CFHR2: variants seen among roughly 807,000 people sequenced by gnomAD.
The protein encoded by CFHR2 is complement factor H related 2.
A neutral mutation model predicts 21.7 loss-of-function variants in CFHR2; 22 were observed. The ratio of observed to expected loss-of-function variants is 1.01; its 90% CI spans 0.72 to 1.45. CFHR2 has a LOEUF of 1.45. Among genes scored for constraint, CFHR2 ranks in the 40% most tolerant of loss-of-function variants. The pLI is 0.00. For synonymous variants in CFHR2, 98 were observed against 97.4 expected (o/e 1.01, Z -0.04); for missense variants, 294 against 293.3 (o/e 1.00, Z -0.02).
At chr1:196,946,487 A>T (rs1326282598) in intron 1 of CFHR2, among the ~76,000 whole-genome samples, 1 of 152,214 alleles carries the variant, frequency 6.6e-6, no homozygotes, top group Non-Finnish European at 1.5e-5. Flanking sequence ...GTAGAGATGT[A>T]CAAAAGATTT....
chr1:196,947,491 T>A (rs764345165), intron 1 of CFHR2, among the ~76,000 whole-genome samples: 2 of 151,874 alleles, frequency 1.3e-5, no homozygotes, highest in Non-Finnish European at 2.9e-5. Flanking sequence ...AAGATGGGAG[T>A]CTTTCCCTCA....
At position 196,949,558 on chromosome 1, in the gene CFHR2, C is replaced by G; in HGVS notation, c.162C>G (p.Ser54=). Residue 54 remains serine (S), a synonymous_variant, in exon 2 of 5, where the codon TCC becomes TCG. Coordinates refer to ENST00000367415, the MANE Select transcript of CFHR2 (RefSeq NM_005666.4). ...CTACAGGGGAAGTTTTCTATTACTC[C>G]TGTGAATATAATTTTGTGTCTCCTT... ...QVPTGEVFYY[S]CEYNFVSPSK... The G allele has an allele frequency of 6.2e-7, 1 of 1,614,004 alleles. No individual in the cohort carries two copies. Among genetic ancestry groups the G allele is most frequent in the Non-Finnish European group, 8.5e-7 (1 of 1,179,962 alleles).
chr1:196,947,511 C>A (rs941779448), intron 1 of CFHR2, among the ~76,000 whole-genome samples: 1 of 152,080 alleles, frequency 6.6e-6, no homozygotes, highest in Non-Finnish European at 1.5e-5. Flanking sequence ...AATACCTTTA[C>A]CAAAACTATC....
At position 196,945,095 on chromosome 1, in the gene CFHR2, C is replaced by T. The variant is rs538404730; in HGVS notation, c.58+1157C>T. On this transcript the variant is annotated intron_variant, in intron 1 of 4. Transcript: ENST00000367415. The stretch of plus-strand genomic sequence containing the variant: ...TTCTCCATGTTGGTCAGGCTGGTCT[C>T]GAACTCCCGACCTCAGGTGATCTGC... 4.8e-5 allele frequency among the ~76,000 whole-genome samples: 7 copies of T among 144,808 alleles called. 1 individual carries two copies. Among genetic ancestry groups the T allele is most frequent in the African/African-American group, 1.8e-4 (7 of 39,476 alleles). The allele number at this position is 144,808 out of a possible 152,430, so 95.0% of individuals were successfully genotyped here.
chr1:196,958,253 T>G (rs951421495), intron 4 of CFHR2, among the ~76,000 whole-genome samples, 180 bp downstream of exon 4: 1 of 152,090 alleles, frequency 6.6e-6, no homozygotes, highest in Non-Finnish European at 1.5e-5. Flanking sequence ...ATTTATATTT[T>G]ATTTAAAAAC....
In CFHR2 at chr1:196,949,443, T is replaced by G; in HGVS notation, c.59-12T>G. 3 of 1,604,542 alleles carry G rather than the reference T, an allele frequency of 1.9e-6. No homozygotes were observed. Among genetic ancestry groups the G allele is most frequent in the Non-Finnish European group, 2.6e-6 (3 of 1,173,140 alleles). On this transcript the variant is annotated splice_polypyrimidine_tract_variant and intron_variant, in intron 1 of 4. Coordinates refer to ENST00000367415, the MANE Select transcript of CFHR2 (RefSeq NM_005666.4). Reference sequence around the variant, plus strand: ...TATTATGTAATTCTTCAGTTTTGTGTTATTTTCCCAGCAATGTTCTGTGAT... The same window carrying G: ...TATTATGTAATTCTTCAGTTTTGTGGTATTTTCCCAGCAATGTTCTGTGAT...
At chr1:196,958,174 T>A in intron 4 of CFHR2, 101 bp downstream of exon 4, 1 of 1,205,532 alleles carries the variant, frequency 8.3e-7, no homozygotes, top group Non-Finnish European at 1.2e-6. Flanking sequence ...CAAACAAGCA[T>A]TCTGCTGAAT....
Position 196,958,014 on chromosome 1 carries a change from A to G in CFHR2, c.554A>G (p.Glu185Gly), listed in dbSNP as rs748066818. The change falls in exon 4 of 5, where the codon GAG (glutamate) becomes GGG (glycine). Residue 185 changes from glutamate to glycine, a missense_variant. Physicochemically the swap from Glu to Gly is moderately conservative, Grantham distance 98. Transcript: ENST00000367415. ...EYQCQNLYQL[E>G]GNNQITCRNG... The stretch of plus-strand genomic sequence containing the variant: ...CAGTGCCAGAACTTGTATCAACTTG[A>G]GGGTAACAATCAAATAACATGTAGA... 7 of 1,613,754 alleles carry G rather than the reference A, an allele frequency of 4.3e-6. No individual in the cohort carries two copies. Among genetic ancestry groups the G allele is most frequent in the Non-Finnish European group, 5.9e-6 (7 of 1,179,744 alleles).
In CFHR2 at chr1:196,959,168, T is replaced by A; in HGVS notation, c.*88T>A. On this transcript the variant is annotated 3_prime_UTR_variant, in exon 5 of 5. Coordinates refer to ENST00000367415, the MANE Select transcript of CFHR2 (RefSeq NM_005666.4). ...TTCAATTTCATTTTTCAAGTACTGT[T>A]TTACTCATTTTTATTCATAAATAAA... 1 of 920,174 alleles carries A rather than the reference T, an allele frequency of 1.1e-6. No homozygotes were observed. The highest frequency in any genetic ancestry group is 1.6e-6 in the Non-Finnish European group (1 of 621,382). 57.0% of individuals were successfully genotyped at this position (920,174 alleles called of 1,614,324 possible).
At chr1:196,958,400 G>A (rs1571498677) in intron 4 of CFHR2, among the ~76,000 whole-genome samples, 1 of 151,730 alleles carries the variant, frequency 6.6e-6, no homozygotes, top group South Asian at 2.1e-4. Context: ...GTAAGTGTGT[G>A]TGTGTGTGTG....
At chr1:196,949,706 GCCAGACA>G in intron 2 of CFHR2, 57 bp downstream of exon 2, 2 of 1,599,264 alleles carry the variant, frequency 1.3e-6, no homozygotes, top group Non-Finnish European at 1.7e-6. Context: ...AGAAGGATAT[GCCAGACA>G]AGATCATAAA....
chr1:196,959,121 T>C lies in CFHR2; in HGVS notation c.*41T>C. ...TATTAGTAAAATGCACACCTTTTTCTGAATTTACTATTATATTTGTTTTCA... is the reference window on the plus strand; with the variant it reads ...TATTAGTAAAATGCACACCTTTTTCCGAATTTACTATTATATTTGTTTTCA... On this transcript the variant is annotated 3_prime_UTR_variant, in exon 5 of 5. Transcript: ENST00000367415. 1 of 1,294,416 alleles carries C rather than the reference T, an allele frequency of 7.7e-7. No individual in the cohort carries two copies. The highest frequency in any genetic ancestry group is 1.1e-6 in the Non-Finnish European group (1 of 916,678). The allele number at this position is 1,294,416 out of a possible 1,614,324, so 80.2% of individuals were successfully genotyped here.
intron 3 of CFHR2, among the ~76,000 whole-genome samples, chr1:196,952,753 G>A (rs1387993381): frequency 6.6e-6 from 1 of 152,178 alleles, no homozygotes; most frequent in African/African-American, 2.4e-5. Context: ...CCTCCAATAA[G>A]TTCTGGTTCC....
intron 2 of CFHR2, among the ~76,000 whole-genome samples, chr1:196,950,344 A>T (rs1387699878): frequency 1.3e-5 from 2 of 152,246 alleles, no homozygotes; most frequent in African/African-American, 2.4e-5. Flanking sequence ...TTCTATATGT[A>T]CATATAAAGG....
intron 1 of CFHR2, among the ~76,000 whole-genome samples, chr1:196,944,794 T>C (rs1659413718): frequency 2.0e-5 from 3 of 151,900 alleles, no homozygotes; most frequent in Admixed American, 2.0e-4. Flanking sequence ...AGTCCTGACA[T>C]AACAGAACAA....
intron 1 of CFHR2, among the ~76,000 whole-genome samples, chr1:196,946,989 C>T (rs1659523239): frequency 1.3e-5 from 2 of 152,116 alleles, no homozygotes; most frequent in African/African-American, 4.8e-5. Context: ...TAATATATTA[C>T]ACTGCTATGT....
At position 196,953,267 on chromosome 1, in the gene CFHR2, T is replaced by TTAC. The variant is rs1652716906; in HGVS notation, c.430+2240_430+2241insACT. Among the ~76,000 whole-genome samples, 3 of 151,924 alleles carry TTAC rather than the reference T, an allele frequency of 2.0e-5. No individual in the cohort carries two copies. In the East Asian group the frequency reaches 5.8e-4, roughly 29 times the overall value. On this transcript the variant is annotated intron_variant, in intron 3 of 4. Coordinates refer to ENST00000367415, the MANE Select transcript of CFHR2 (RefSeq NM_005666.4). Reference sequence around the variant, plus strand: ...GATTATTTATTTATTTATTTATTTATTTATTTACTTACTTATTTACTTATT... The same window carrying TTAC: ...GATTATTTATTTATTTATTTATTTATTACTTATTTACTTACTTATTTACTTATT...
At position 196,959,297 on chromosome 1, in the gene CFHR2, T is replaced by C. The variant is rs529852668; in HGVS notation, c.*217T>C. 10 of 452,830 alleles carry C rather than the reference T, an allele frequency of 2.2e-5. No homozygotes were observed. The South Asian group carries it at 3.3e-4, about 15-fold the overall frequency. The allele number at this position is 452,830 out of a possible 1,614,324, so 28.1% of individuals were successfully genotyped here. ...GTAACAACCTAGGAATTGTCTTTTT[T>C]TTTCTTTTTAAAAAAATTGACAATA... On this transcript the variant is annotated 3_prime_UTR_variant, in exon 5 of 5. Transcript: ENST00000367415.
intron 1 of CFHR2, among the ~76,000 whole-genome samples, chr1:196,947,846 C>T (rs892586995): frequency 6.6e-6 from 1 of 152,054 alleles, no homozygotes; most frequent in Non-Finnish European, 1.5e-5. Context: ...TGAACCCCAA[C>T]ATAAACTATG....
Sources: gnomAD v4.1 joint callset for allele counts (sites outside exome capture counted in the v4.1 genomes callset) on GRCh38, gnomAD v4.1.1 for gene constraint, MANE v1.5 for transcripts, NCBI Gene and HGNC (gene_info 2026-07-23, HGNC 2026-07-21) for gene names.